Variants in PDZD2 observed in about 807,000 individuals in gnomAD.
The protein encoded by PDZD2 is PDZ domain-containing protein 2.
A neutral mutation model predicts 220.7 loss-of-function variants in PDZD2; 90 were observed. The observed-to-expected ratio is 0.41, with a 90% confidence interval of 0.34 to 0.49. PDZD2 has a LOEUF of 0.49. Ranked by LOEUF, PDZD2 falls within the 20% of genes least tolerant of loss-of-function variation. The pLI, the probability that PDZD2 is intolerant of heterozygous loss-of-function variation, is 0.28. For synonymous variants in PDZD2, 1,375 were observed against 1,450.5 expected (o/e 0.95, Z 1.18); for missense variants, 3,174 against 3,608.5 (o/e 0.88, Z 3.08).
intron 19 of PDZD2, among the ~76,000 whole-genome samples, chr5:32,078,809 A>G (rs62361283): frequency 1.7e-4 from 11 of 64,256 alleles, no homozygotes; most frequent in East Asian, 6.8e-4. Flanking sequence ...AATCTCTGGG[A>G]AAAAAAAAAA....
rs537530139 is a variant in PDZD2 at position 31,798,885 on chromosome 5, C to A, written c.-360-4C>A. ...CTTTTTGTGTTTTCCTCTTCCTCTC[C>A]CAGGTGTGAATGAGCCCAGGGAAGG... On this transcript the variant is annotated splice_polypyrimidine_tract_variant and splice_region_variant and intron_variant, in intron 1 of 24. Coordinates refer to ENST00000438447, the MANE Select transcript of PDZD2 (RefSeq NM_178140.4). 4.1e-5 allele frequency: 10 copies of A among 244,932 alleles called. No homozygotes were observed. In the East Asian group the frequency reaches 7.2e-4, roughly 18 times the overall value. 15.2% of individuals were successfully genotyped at this position (244,932 alleles called of 1,614,324 possible).
At chr5:32,003,373 CCACA>C (rs1418076655) in intron 5 of PDZD2, among the ~76,000 whole-genome samples, 1 of 70,860 alleles carries the variant, frequency 1.4e-5, no homozygotes, top group African/African-American at 3.7e-5. Flanking sequence ...CACACACACA[CCACA>C]CACACACCCA....
intron 2 of PDZD2, among the ~76,000 whole-genome samples, chr5:31,910,986 A>G (rs1340704802): frequency 6.6e-6 from 1 of 152,098 alleles, no homozygotes; most frequent in African/African-American, 2.4e-5. Flanking sequence ...TAAAATTCCC[A>G]TTGATATGAG....
chr5:31,796,799 T>A (rs1754052809), intron 1 of PDZD2, among the ~76,000 whole-genome samples: 1 of 152,310 alleles, frequency 6.6e-6, no homozygotes, highest in African/African-American at 2.4e-5. Context: ...GCTGAATGAA[T>A]CAAATGAGTG....
intron 1 of PDZD2, among the ~76,000 whole-genome samples, chr5:31,750,857 CAG>C (rs1750916435): frequency 6.6e-6 from 1 of 152,076 alleles, no homozygotes; most frequent in Non-Finnish European, 1.5e-5. Flanking sequence ...AAGAAGTAGT[CAG>C]GGGTAATGTT....
chr5:32,048,755 A>T, intron 8 of PDZD2, 71 bp downstream of exon 8: 1 of 1,497,982 alleles, frequency 6.7e-7, no homozygotes, highest in Non-Finnish European at 9.2e-7. Flanking sequence ...GCCCATCCAT[A>T]CAGGCCAGGA....
intron 2 of PDZD2, among the ~76,000 whole-genome samples, chr5:31,862,376 T>G (rs1737801173): frequency 6.6e-6 from 1 of 152,000 alleles, no homozygotes; most frequent in East Asian, 1.9e-4. Context: ...AGTGCTGGAA[T>G]TACAGGCATG....
chr5:31,765,461 A>G (rs1025056399), intron 1 of PDZD2, among the ~76,000 whole-genome samples: 5 of 152,334 alleles, frequency 3.3e-5, no homozygotes, highest in African/African-American at 1.2e-4. Flanking sequence ...TAAAACTTCT[A>G]ATGAAGATAA....
chr5:31,775,127 A>G (rs1204843042), intron 1 of PDZD2, among the ~76,000 whole-genome samples: 2 of 152,230 alleles, frequency 1.3e-5, no homozygotes, highest in Non-Finnish European at 2.9e-5. Flanking sequence ...ACGCTATAGT[A>G]CAAACGTCTT....
chr5:31,849,903 T>TACATATATATATATACACATATATATAC (rs1757838752), intron 2 of PDZD2, among the ~76,000 whole-genome samples: 2 of 25,676 alleles, frequency 7.8e-5, no homozygotes, highest in Non-Finnish European at 1.3e-4. Flanking sequence ...TATATATATA[T>TACATATATATATATACACATATATATAC]ACATATATAT....
At chr5:32,009,066 C>T (rs568931363) in intron 5 of PDZD2, among the ~76,000 whole-genome samples, 5 of 151,886 alleles carry the variant, frequency 3.3e-5, no homozygotes, top group South Asian at 2.1e-4. Context: ...CTGATCTAGC[C>T]GGGCTCGGTG....
Position 32,011,990 on chromosome 5 carries a change from C to T in PDZD2, c.1407+1508C>T, listed in dbSNP as rs558406693. Reference sequence around the variant, plus strand: ...GCTCTGTGCTGGCACGGCAGTTACCCTCTGCTCCTTGTTTTCCATGGTTAC... The same window carrying T: ...GCTCTGTGCTGGCACGGCAGTTACCTTCTGCTCCTTGTTTTCCATGGTTAC... On this transcript the variant is annotated intron_variant, in intron 6 of 24. Transcript: ENST00000438447. 5.3e-5 allele frequency among the ~76,000 whole-genome samples: 8 copies of T among 152,306 alleles called. No homozygotes were observed. The East Asian group carries it at 1.3e-3, about 26-fold the overall frequency.
chr5:31,835,151 A>G (rs1025816115), intron 2 of PDZD2, among the ~76,000 whole-genome samples: 1 of 152,220 alleles, frequency 6.6e-6, no homozygotes, highest in African/African-American at 2.4e-5. Context: ...AGACACTTCA[A>G]ATCACTGCTG....
chr5:31,828,645 G>A (rs987558298), intron 2 of PDZD2, among the ~76,000 whole-genome samples: 10 of 152,148 alleles, frequency 6.6e-5, no homozygotes, highest in South Asian at 4.2e-4. Context: ...ACAGGCATAC[G>A]CCACTACACC....
intron 6 of PDZD2, among the ~76,000 whole-genome samples, chr5:32,021,074 T>TTTTG (rs1451452445): frequency 1.3e-5 from 2 of 151,866 alleles, no homozygotes; most frequent in Non-Finnish European, 2.9e-5. Context: ...TTTTTTTTTT[T>TTTTG]TACATTTTCC....
At chr5:32,054,742 C>G (rs997301153) in intron 10 of PDZD2, among the ~76,000 whole-genome samples, 4 of 152,172 alleles carry the variant, frequency 2.6e-5, no homozygotes, top group Non-Finnish European at 5.9e-5. Context: ...TTCTACCTTG[C>G]AAATAATTTT....
intron 1 of PDZD2, among the ~76,000 whole-genome samples, chr5:31,703,555 A>C (rs1370079147): frequency 6.6e-6 from 1 of 152,172 alleles, no homozygotes; most frequent in Admixed American, 6.5e-5. Context: ...TGACGGGTTG[A>C]TGGGTGCAGC....
chr5:31,840,446 A>T (rs2330777), intron 2 of PDZD2: 36,466 of 68,406 alleles, frequency 0.53, 8,738 homozygotes, highest in African/African-American at 0.68. Flanking sequence ...ATATATATAT[A>T]TATTTGTTTA....
chr5:31,728,285 G>A (rs1029614772), intron 1 of PDZD2, among the ~76,000 whole-genome samples: 2 of 151,980 alleles, frequency 1.3e-5, no homozygotes, highest in South Asian at 2.1e-4. Context: ...ATTGCCAAAT[G>A]TCCCCCTGGG....
Sources: allele counts gnomAD v4.1 joint callset (sites outside exome capture counted in the v4.1 genomes callset), GRCh38; gene constraint gnomAD v4.1.1; transcripts MANE v1.5; gene names NCBI Gene and HGNC (gene_info 2026-07-23, HGNC 2026-07-21).